Variants in KHDRBS3 observed in about 807,000 individuals in gnomAD.
The protein encoded by KHDRBS3 is KH domain-containing, RNA-binding, signal transduction-associated protein 3.
In KHDRBS3, 23 loss-of-function variants were observed where a neutral mutation model predicts 45.6. The observed-to-expected ratio is 0.50, with a 90% CI of 0.36 to 0.72. The LOEUF is 0.72. KHDRBS3 is among the 30% of genes least tolerant of loss of function. The probability of loss-of-function intolerance (pLI) is 0.00; values close to 1 mark genes in which losing one functional copy is unlikely to be tolerated. For missense variants in KHDRBS3, 352 were observed against 424.8 expected (o/e 0.83, Z 1.51); for synonymous variants, 162 against 156.5 (o/e 1.04, Z -0.26).
At chr8:135,609,778 A>G (rs1401831860) in intron 7 of KHDRBS3, among the ~76,000 whole-genome samples, 2 of 151,788 alleles carry the variant, frequency 1.3e-5, no homozygotes, top group Non-Finnish European at 2.9e-5. Context: ...ACGTGACTCT[A>G]TTCCGTGTGT....
intron 1 of KHDRBS3, among the ~76,000 whole-genome samples, chr8:135,483,212 G>A (rs1822674974): frequency 1.3e-5 from 2 of 152,190 alleles, no homozygotes; most frequent in South Asian, 4.1e-4. Flanking sequence ...TTTGAAAGTT[G>A]CTGATTATAT....
At chr8:135,543,590 T>C (rs968915035) in intron 3 of KHDRBS3, among the ~76,000 whole-genome samples, 1 of 152,114 alleles carries the variant, frequency 6.6e-6, no homozygotes, top group Non-Finnish European at 1.5e-5. Context: ...AAATGGCCAG[T>C]ATTTGTTTAT....
At chr8:135,619,416 G>GAA (rs199626464) in intron 7 of KHDRBS3, among the ~76,000 whole-genome samples, 1 of 146,312 alleles carries the variant, frequency 6.8e-6, no homozygotes, top group African/African-American at 2.5e-5. Flanking sequence ...TTACATAGAG[G>GAA]AAAAAAAAAA....
At chr8:135,497,308 C>T (rs887194024) in intron 1 of KHDRBS3, among the ~76,000 whole-genome samples, 2 of 152,144 alleles carry the variant, frequency 1.3e-5, no homozygotes, top group African/African-American at 4.8e-5. Flanking sequence ...GGAAATGCTC[C>T]GGCAGTCCTA....
At chr8:135,475,299 G>A (rs916057878) in intron 1 of KHDRBS3, among the ~76,000 whole-genome samples, 5 of 152,106 alleles carry the variant, frequency 3.3e-5, no homozygotes, top group African/African-American at 4.8e-5. Context: ...AGTACCTAGT[G>A]TATCTTCAGC....
chr8:135,651,214 A>G (rs898364233), downstream of KHDRBS3, among the ~76,000 whole-genome samples: 3 of 152,038 alleles, frequency 2.0e-5, no homozygotes, highest in African/African-American at 7.2e-5. Flanking sequence ...CCGCTTTGTG[A>G]CCTTGAGTCA....
At chr8:135,589,858 A>G (rs1410628026) in intron 6 of KHDRBS3, among the ~76,000 whole-genome samples, 1 of 152,240 alleles carries the variant, frequency 6.6e-6, no homozygotes, top group East Asian at 1.9e-4. Context: ...GCCATGTGTT[A>G]TGTATACTTT....
chr8:135,638,967 CAAAA>C (rs35677198), intron 7 of KHDRBS3, among the ~76,000 whole-genome samples: 3 of 92,300 alleles, frequency 3.3e-5, no homozygotes, highest in Non-Finnish European at 4.4e-5. Context: ...GACTCCGTCT[CAAAA>C]AAAAAAAAAA....
chr8:135,630,032 C>T (rs28615336), intron 7 of KHDRBS3, among the ~76,000 whole-genome samples: 5,846 of 152,306 alleles, frequency 0.038, 163 homozygotes, highest in Middle Eastern at 0.065. Context: ...AGATGAAAGA[C>T]AAGCCACCAG....
chr8:135,475,096 G>A (rs562746861), intron 1 of KHDRBS3, among the ~76,000 whole-genome samples: 1 of 152,300 alleles, frequency 6.6e-6, no homozygotes, highest in Non-Finnish European at 1.5e-5. Context: ...GGCTTACCTG[G>A]ATAATCCTGG....
At chr8:135,539,268 A>G (rs1457966043) in intron 2 of KHDRBS3, 1 of 152,266 alleles carries the variant, frequency 6.6e-6, no homozygotes, top group Admixed American at 6.6e-5. Context: ...CAGTTTGAGA[A>G]CCTGCCGGAG....
chr8:135,507,876 CAT>C (rs772745353), intron 1 of KHDRBS3, among the ~76,000 whole-genome samples: 8 of 152,184 alleles, frequency 5.3e-5, no homozygotes, highest in African/African-American at 1.9e-4. Context: ...AATTTTCTAT[CAT>C]GAGTAAATCT....
intron 1 of KHDRBS3, among the ~76,000 whole-genome samples, chr8:135,474,050 G>A (rs1822147944): frequency 1.3e-5 from 2 of 152,100 alleles, no homozygotes; most frequent in Admixed American, 1.3e-4. Context: ...TAGACCATAC[G>A]AGGAATTAGT....
At chr8:135,569,354 A>G (rs1256148954) in intron 5 of KHDRBS3, among the ~76,000 whole-genome samples, 1 of 152,162 alleles carries the variant, frequency 6.6e-6, no homozygotes, top group African/African-American at 2.4e-5. Context: ...ACATAGAAAA[A>G]CTAGTGTTAA....
chr8:135,545,543 G>A (rs1826252397), intron 3 of KHDRBS3, among the ~76,000 whole-genome samples: 1 of 152,142 alleles, frequency 6.6e-6, no homozygotes, highest in African/African-American at 2.4e-5. Flanking sequence ...TTATTCAGCC[G>A]CACACAGACT....
chr8:135,461,533 A>G (rs541319957), intron 1 of KHDRBS3, among the ~76,000 whole-genome samples: 5 of 152,314 alleles, frequency 3.3e-5, no homozygotes, highest in South Asian at 4.1e-4. Context: ...TGACATTGCA[A>G]TTCTTGCCAA....
chr8:135,614,130 A>AG (rs1173626040), intron 7 of KHDRBS3, among the ~76,000 whole-genome samples: 2 of 151,934 alleles, frequency 1.3e-5, no homozygotes, highest in African/African-American at 4.9e-5. Context: ...ACATTTAATG[A>AG]GTAACAAGAT....
intron 7 of KHDRBS3, among the ~76,000 whole-genome samples, chr8:135,608,150 C>T (rs10102109): frequency 0.084 from 12,718 of 152,044 alleles, 1,050 homozygotes; most frequent in East Asian, 0.34. Flanking sequence ...AAGTATATGC[C>T]ATTGTTTTCA....
chr8:135,623,893 A>G (rs1168220191), intron 7 of KHDRBS3, among the ~76,000 whole-genome samples: 1 of 152,220 alleles, frequency 6.6e-6, no homozygotes, highest in Non-Finnish European at 1.5e-5. Context: ...AAACAAATCA[A>G]TGCAAATACA....
Sources: allele counts gnomAD v4.1 joint callset (sites outside exome capture counted in the v4.1 genomes callset), GRCh38; gene constraint gnomAD v4.1.1; transcripts MANE v1.5; gene names NCBI Gene and HGNC (gene_info 2026-07-23, HGNC 2026-07-21).